Variants in SLC25A21 observed in about 807,000 individuals in gnomAD.
The protein encoded by SLC25A21 is solute carrier family 25 member 21, also known as mitochondrial 2-oxodicarboxylate carrier.
Under a neutral mutation model 43.8 loss-of-function variants are expected in SLC25A21, and 47 were observed. The observed-to-expected ratio is 1.07, with a 90% confidence interval of 0.85 to 1.37. SLC25A21 has a LOEUF of 1.37. Ranked by LOEUF, SLC25A21 falls within the 40% of genes most tolerant of loss-of-function variation. The probability of loss-of-function intolerance (pLI) is 0.00; values close to 1 mark genes in which losing one functional copy is unlikely to be tolerated. For synonymous variants in SLC25A21, 131 were observed against 121.3 expected, an observed-to-expected ratio of 1.08 and a Z score of -0.52; for missense variants, 352 against 350.2, an observed-to-expected ratio of 1.00 and a Z score of -0.04.
At chr14:36,917,549 C>T (rs1891863520) in intron 1 of SLC25A21, among the ~76,000 whole-genome samples, 1 of 152,090 alleles carries the variant, frequency 6.6e-6, no homozygotes, top group African/African-American at 2.4e-5. Flanking sequence ...TCTTCAGCAA[C>T]TACCACATGC....
At chr14:36,764,143 G>GGAAAGAAAGAAAGAAAGAAAGAAAGAAA (rs1233360789) in intron 3 of SLC25A21, among the ~76,000 whole-genome samples, 5 of 33,846 alleles carry the variant, frequency 1.5e-4, no homozygotes, top group African/African-American at 5.4e-4. Flanking sequence ...AAGGAAAGAA[G>GGAAAGAAAGAAAGAAAGAAAGAAAGAAA]GAAAGAAAGA....
In SLC25A21 at chr14:36,679,684, A is replaced by AAAACT. The variant is rs1882111266; in HGVS notation, c.*969_*973dup. The AAAACT allele has an allele frequency of 1.0e-6, 1 of 985,278 alleles. No individual in the cohort carries two copies. Among genetic ancestry groups the AAAACT allele is most frequent in the Admixed American group, 6.2e-5 (1 of 16,258 alleles). The allele number at this position is 985,278 out of a possible 1,614,324, so 61.0% of individuals were successfully genotyped here. ...GACTTCCCACCTGAAGTTGTCGTTT[A>AAAACT]AAACTAATAACCTGAAAATGCAGTT... On this transcript the variant is annotated 3_prime_UTR_variant, in exon 10 of 10. Coordinates refer to ENST00000331299, the MANE Select transcript of SLC25A21 (RefSeq NM_030631.4).
At chr14:37,045,712 G>A (rs926661402) in intron 1 of SLC25A21, among the ~76,000 whole-genome samples, 1 of 152,146 alleles carries the variant, frequency 6.6e-6, no homozygotes, top group Non-Finnish European at 1.5e-5. Flanking sequence ...CATCCTGATC[G>A]GGGTCTAGCA....
intron 1 of SLC25A21, among the ~76,000 whole-genome samples, chr14:37,086,152 G>A (rs977865498): frequency 1.3e-4 from 20 of 151,950 alleles, no homozygotes; most frequent in African/African-American, 4.8e-4. Context: ...CTACTTTGGG[G>A]GCCTGGGGTT....
chr14:36,842,814 CA>C (rs577852090), intron 2 of SLC25A21, among the ~76,000 whole-genome samples: 16 of 152,124 alleles, frequency 1.1e-4, no homozygotes, highest in Non-Finnish European at 2.1e-4. Context: ...AGTGGAAACT[CA>C]GACTGGGGAG....
chr14:37,000,564 C>T (rs894249614), intron 1 of SLC25A21, among the ~76,000 whole-genome samples: 2 of 152,158 alleles, frequency 1.3e-5, no homozygotes, highest in African/African-American at 4.8e-5. Context: ...CCAGACCCTT[C>T]ATTCTCTCCT....
chr14:37,161,375 T>A (rs991496843), intron 1 of SLC25A21, among the ~76,000 whole-genome samples: 1 of 152,124 alleles, frequency 6.6e-6, no homozygotes, highest in Admixed American at 6.5e-5. Context: ...AGTGAGGAAC[T>A]TTTCAGAAAG....
At chr14:37,048,381 T>C (rs17106103) in intron 1 of SLC25A21, among the ~76,000 whole-genome samples, 1,646 of 152,080 alleles carry the variant, frequency 0.011, 24 homozygotes, top group African/African-American at 0.038. Flanking sequence ...ATAAACCGGG[T>C]TATGTATCTC....
At chr14:36,721,541 G>A (rs890496638) in intron 6 of SLC25A21, among the ~76,000 whole-genome samples, 1 of 152,220 alleles carries the variant, frequency 6.6e-6, no homozygotes, top group Admixed American at 6.5e-5. Flanking sequence ...AGTGTAATGA[G>A]AACTTCAGTG....
chr14:36,807,654 C>T (rs74045000), intron 3 of SLC25A21, among the ~76,000 whole-genome samples: 6,633 of 152,200 alleles, frequency 0.044, 504 homozygotes, highest in African/African-American at 0.15. Context: ...CCATGTTAGA[C>T]TAGGTAAACC....
intron 1 of SLC25A21, among the ~76,000 whole-genome samples, chr14:36,947,321 G>T (rs1348718768): frequency 2.0e-5 from 3 of 152,148 alleles, no homozygotes; most frequent in African/African-American, 7.2e-5. Context: ...ACCAGAGAAG[G>T]TTCATAATTT....
chr14:36,820,268 T>G (rs1006336699), intron 2 of SLC25A21, among the ~76,000 whole-genome samples: 1 of 152,216 alleles, frequency 6.6e-6, no homozygotes, highest in Non-Finnish European at 1.5e-5. Context: ...CATTCATCCT[T>G]ATTGTGACTT....
chr14:36,721,804 A>G (rs1424803996), intron 6 of SLC25A21, among the ~76,000 whole-genome samples: 2 of 152,256 alleles, frequency 1.3e-5, no homozygotes, highest in Non-Finnish European at 2.9e-5. Flanking sequence ...TGGCAGAGCC[A>G]TTAGAAGCAT....
At chr14:36,952,238 AAAG>A (rs1892831097) in intron 1 of SLC25A21, 2 of 153,990 alleles carry the variant, frequency 1.3e-5, no homozygotes, top group Admixed American at 6.5e-5. Flanking sequence ...CTCAAAAAGA[AAAG>A]AAAGAAAGAA....
chr14:36,772,850 A>G (rs1289120529), intron 3 of SLC25A21, among the ~76,000 whole-genome samples: 1 of 152,254 alleles, frequency 6.6e-6, no homozygotes, highest in Non-Finnish European at 1.5e-5. Context: ...AATGGTAACA[A>G]TCAATAACTA....
intron 1 of SLC25A21, among the ~76,000 whole-genome samples, chr14:37,060,149 G>T (rs1234017851): frequency 3.3e-5 from 5 of 151,732 alleles, no homozygotes; most frequent in Admixed American, 3.3e-4. Flanking sequence ...GGTAATTTAG[G>T]TAATGCAGGG....
chr14:37,054,247 T>C (rs1322791565), intron 1 of SLC25A21, among the ~76,000 whole-genome samples: 1 of 152,156 alleles, frequency 6.6e-6, no homozygotes, highest in Non-Finnish European at 1.5e-5. Context: ...CAAGCCATCA[T>C]ACATGTGAGT....
At position 36,863,520 on chromosome 14, in the gene SLC25A21, A is replaced by AC. The variant is rs1381595213; in HGVS notation, c.119+11435_119+11436insG. Among the ~76,000 whole-genome samples the AC allele has an allele frequency of 5.3e-5, 8 of 152,330 alleles. No individual in the cohort carries two copies. The East Asian group carries it at 9.6e-4, about 18-fold the overall frequency. The stretch of plus-strand genomic sequence containing the variant: ...TAAAAAGAATCCCATTTACAAAAAA[A>AC]TAAGTAAATAAATTTAGAAACAGCC... On this transcript the variant is annotated intron_variant, in intron 2 of 9. Coordinates refer to ENST00000331299, the MANE Select transcript of SLC25A21 (RefSeq NM_030631.4).
Position 36,828,021 on chromosome 14 carries a change from G to C in SLC25A21, c.120-14020C>G, listed in dbSNP as rs546630649. ...AGTGTGGCTTCATGCCTTCATCAAAGGATTTGGTGGCTAGGACCGATGTGT... is the reference window on the plus strand; with the variant it reads ...AGTGTGGCTTCATGCCTTCATCAAACGATTTGGTGGCTAGGACCGATGTGT... On this transcript the variant is annotated intron_variant, in intron 2 of 9. Transcript: ENST00000331299. Among the ~76,000 whole-genome samples, 3 of 152,246 alleles carry C rather than the reference G, an allele frequency of 2.0e-5. No individual in the cohort carries two copies. The Middle Eastern group carries it at 0.01, about 518-fold the overall frequency.
Sources: allele counts gnomAD v4.1 joint callset (sites outside exome capture counted in the v4.1 genomes callset), GRCh38; gene constraint gnomAD v4.1.1; transcripts MANE v1.5; gene names NCBI Gene and HGNC (gene_info 2026-07-23, HGNC 2026-07-21).